The following EPHB1 variants were observed in gnomAD, a reference collection of about 807,000 sequenced individuals.
EPHB1 encodes EPH receptor B1.
A neutral mutation model predicts 94.4 loss-of-function variants in EPHB1; 30 were observed. The ratio of observed to expected loss-of-function variants is 0.32; its 90% CI spans 0.24 to 0.43. EPHB1 has a LOEUF of 0.43. Ranked by LOEUF, EPHB1 falls within the 20% of genes least tolerant of loss-of-function variation. The pLI is 1.00. For missense variants in EPHB1, 1,055 were observed against 1,308.3 expected, an observed-to-expected ratio of 0.81 and a Z score of 2.99; for synonymous variants, 522 against 489.1, an observed-to-expected ratio of 1.07 and a Z score of -0.89.
intron 7 of EPHB1, among the ~76,000 whole-genome samples, chr3:135,164,331 G>A (rs1303427664): frequency 6.6e-6 from 1 of 152,146 alleles, no homozygotes; most frequent in Admixed American, 6.5e-5. Context: ...CCTCCAACAT[G>A]GTTGAAGGAC....
intron 9 of EPHB1, among the ~76,000 whole-genome samples, chr3:135,178,137 C>T (rs1392565628): frequency 6.6e-6 from 1 of 151,818 alleles, no homozygotes; most frequent in African/African-American, 2.4e-5. Context: ...GGGCAGGGCA[C>T]CTGGCCCTCC....
chr3:135,189,214 G>T (rs1559867897), intron 10 of EPHB1, among the ~76,000 whole-genome samples: 1 of 152,086 alleles, frequency 6.6e-6, no homozygotes, highest in South Asian at 2.1e-4. Flanking sequence ...CATACTATGT[G>T]CCAGGACCTG....
chr3:135,037,373 C>T (rs188505481), intron 3 of EPHB1, among the ~76,000 whole-genome samples: 24 of 152,280 alleles, frequency 1.6e-4, no homozygotes, highest in Non-Finnish European at 1.9e-4. Flanking sequence ...AGGGAGACGT[C>T]CCTTGAGGAC....
intron 3 of EPHB1, among the ~76,000 whole-genome samples, chr3:135,047,544 A>G (rs1937036691): frequency 6.6e-6 from 1 of 152,192 alleles, no homozygotes; most frequent in Non-Finnish European, 1.5e-5. Flanking sequence ...TGACTGACCT[A>G]TTAACTGCTT....
At chr3:135,088,319 T>C (rs1381207675) in intron 3 of EPHB1, among the ~76,000 whole-genome samples, 3 of 152,288 alleles carry the variant, frequency 2.0e-5, no homozygotes, top group East Asian at 1.9e-4. Flanking sequence ...CTGGGAAATA[T>C]TGGGCAAATT....
chr3:134,954,649 A>G lies in EPHB1; in HGVS notation c.805+2597A>G, dbSNP rs1302085010. Reference sequence around the variant, plus strand: ...TGATTCATAAAGTTGTGCTGATTTGATATATCTTTTCTGCATATGTGAAAC... The same window carrying G: ...TGATTCATAAAGTTGTGCTGATTTGGTATATCTTTTCTGCATATGTGAAAC... On this transcript the variant is annotated intron_variant, in intron 3 of 15. Transcript: ENST00000398015. 2.0e-5 allele frequency among the ~76,000 whole-genome samples: 3 copies of G among 152,186 alleles called. No individual in the cohort carries two copies. The East Asian group carries it at 5.8e-4, about 29-fold the overall frequency.
At chr3:135,152,038 G>A (rs940923094) in intron 5 of EPHB1, among the ~76,000 whole-genome samples, 1 of 152,168 alleles carries the variant, frequency 6.6e-6, no homozygotes, top group Non-Finnish European at 1.5e-5. Flanking sequence ...CTCAAATAGT[G>A]GAAAGAGAAT....
At chr3:135,204,563 C>T (rs1381898966) in intron 12 of EPHB1, among the ~76,000 whole-genome samples, 4 of 151,138 alleles carry the variant, frequency 2.6e-5, no homozygotes, top group South Asian at 2.1e-4. Flanking sequence ...GGCAGTGGTG[C>T]GATCTCGGCT....
At chr3:135,148,784 C>T (rs913858590) in intron 5 of EPHB1, among the ~76,000 whole-genome samples, 8 of 152,196 alleles carry the variant, frequency 5.3e-5, no homozygotes, top group Non-Finnish European at 1.2e-4. Flanking sequence ...GTGGCAAAAA[C>T]AGAGACAAAG....
At chr3:135,140,646 C>T (rs1940787504) in intron 5 of EPHB1, among the ~76,000 whole-genome samples, 1 of 152,178 alleles carries the variant, frequency 6.6e-6, no homozygotes, top group African/African-American at 2.4e-5. Flanking sequence ...GTGTGCACTG[C>T]ACCCCCAAAC....
intron 3 of EPHB1, among the ~76,000 whole-genome samples, chr3:134,991,275 C>T (rs1394666527): frequency 3.3e-5 from 5 of 152,144 alleles, no homozygotes; most frequent in African/African-American, 1.2e-4. Context: ...CTCCTATCTC[C>T]CTTTCTGTAA....
chr3:135,217,717 C>T (rs951318193), intron 12 of EPHB1, among the ~76,000 whole-genome samples: 6 of 152,106 alleles, frequency 3.9e-5, no homozygotes, highest in African/African-American at 1.4e-4. Flanking sequence ...TACTCTGTTT[C>T]AGATTTTTTT....
intron 3 of EPHB1, among the ~76,000 whole-genome samples, chr3:135,066,277 A>G (rs756482301): frequency 6.6e-5 from 10 of 152,150 alleles, no homozygotes; most frequent in Non-Finnish European, 1.5e-4. Context: ...TTCCTCAATT[A>G]TTTCCCCAAA....
intron 1 of EPHB1, among the ~76,000 whole-genome samples, chr3:134,810,532 C>G (rs990029853): frequency 6.6e-6 from 1 of 152,104 alleles, no homozygotes; most frequent in African/African-American, 2.4e-5. Context: ...TCCCACTTCA[C>G]GTTGTTATTA....
chr3:135,056,304 C>T (rs1311435506), intron 3 of EPHB1, among the ~76,000 whole-genome samples: 2 of 152,214 alleles, frequency 1.3e-5, no homozygotes, highest in African/African-American at 4.8e-5. Context: ...CTCTGCCTGC[C>T]AGGCCGCATC....
chr3:135,025,244 G>A (rs1201952040), intron 3 of EPHB1, among the ~76,000 whole-genome samples: 9 of 103,964 alleles, frequency 8.7e-5, no homozygotes, highest in Admixed American at 2.3e-4. Flanking sequence ...AAGTTTTAGG[G>A]TACATGTGCA....
chr3:135,218,711 C>T (rs939054369), intron 12 of EPHB1, among the ~76,000 whole-genome samples: 1 of 152,262 alleles, frequency 6.6e-6, no homozygotes, highest in African/African-American at 2.4e-5. Context: ...GTGCATAACA[C>T]TGCAGTTAAC....
At chr3:135,173,695 C>G (rs957185902) in intron 9 of EPHB1, among the ~76,000 whole-genome samples, 1 of 152,208 alleles carries the variant, frequency 6.6e-6, no homozygotes, top group Non-Finnish European at 1.5e-5. Flanking sequence ...AGTCTTCAGC[C>G]TTCCTGCTAC....
At chr3:134,890,273 T>C (rs976935846) in intron 1 of EPHB1, among the ~76,000 whole-genome samples, 5 of 152,266 alleles carry the variant, frequency 3.3e-5, no homozygotes, top group Non-Finnish European at 5.9e-5. Context: ...TTATGTGATA[T>C]ATGCTTTTTT....
Sources: gnomAD v4.1 joint callset for allele counts (sites outside exome capture counted in the v4.1 genomes callset) on GRCh38, gnomAD v4.1.1 for gene constraint, MANE v1.5 for transcripts, NCBI Gene and HGNC (gene_info 2026-07-23, HGNC 2026-07-21) for gene names.